ADAM12: variants seen among roughly 807,000 people sequenced by gnomAD.
ADAM12 encodes ADAM metallopeptidase domain 12.
Under a neutral mutation model 106.4 loss-of-function variants are expected in ADAM12, and 70 were observed. The ratio of observed to expected loss-of-function variants is 0.66; its 90% CI spans 0.54 to 0.80. The LOEUF (loss-of-function observed/expected upper bound fraction) is 0.80. Among genes scored for constraint, ADAM12 ranks in the 30% least tolerant of loss-of-function variants. The pLI, the probability that ADAM12 is intolerant of heterozygous loss-of-function variation, is 0.00. For synonymous variants in ADAM12, 420 were observed against 433.5 expected (o/e 0.97, Z 0.39); for missense variants, 1,010 against 1,171.9 (o/e 0.86, Z 2.02).
chr10:126,277,501 G>A (rs889381990), intron 3 of ADAM12, among the ~76,000 whole-genome samples: 3 of 151,998 alleles, frequency 2.0e-5, no homozygotes, highest in African/African-American at 4.8e-5. Context: ...ATCTTTCAGG[G>A]AATGCCTAGC....
At chr10:126,079,672 G>A (rs7095358) in intron 11 of ADAM12, among the ~76,000 whole-genome samples, 18,837 of 152,146 alleles carry the variant, frequency 0.12, 1,526 homozygotes, top group African/African-American at 0.21. Flanking sequence ...TTTGTGTCGT[G>A]ACAATAAAAA....
intron 2 of ADAM12, among the ~76,000 whole-genome samples, chr10:126,306,770 C>T (rs574451958): frequency 1.3e-5 from 2 of 152,186 alleles, no homozygotes; most frequent in African/African-American, 2.4e-5. Flanking sequence ...GTCTTTTTTC[C>T]TCTGAATGTT....
At chr10:126,189,562 G>A (rs1957459748) in intron 3 of ADAM12, among the ~76,000 whole-genome samples, 2 of 152,192 alleles carry the variant, frequency 1.3e-5, no homozygotes, top group African/African-American at 2.4e-5. Context: ...TGCCAGGCAT[G>A]TGCTAAACAT....
intron 3 of ADAM12, among the ~76,000 whole-genome samples, chr10:126,182,890 C>T (rs146190164): frequency 3.9e-3 from 591 of 152,368 alleles, no homozygotes; most frequent in Middle Eastern, 6.8e-3. Context: ...GGGTCCCAAA[C>T]CCCCGGGCCA....
At chr10:126,244,739 A>T (rs1465808317) in intron 3 of ADAM12, among the ~76,000 whole-genome samples, 1 of 152,246 alleles carries the variant, frequency 6.6e-6, no homozygotes, top group African/African-American at 2.4e-5. Flanking sequence ...AATAAAGTGT[A>T]CATGCTATGA....
intron 2 of ADAM12, among the ~76,000 whole-genome samples, chr10:126,319,736 A>G (rs1176284783): frequency 1.3e-5 from 2 of 152,210 alleles, no homozygotes; most frequent in Non-Finnish European, 2.9e-5. Flanking sequence ...GGGCTTGTTA[A>G]TTGTGACAAG....
rs150371893 is a variant in ADAM12 at position 126,030,028 on chromosome 10, C to A, written c.2529+6118G>T. The stretch of plus-strand genomic sequence containing the variant: ...CTTGGGCAAGATTATGCCTGTGTGA[C>A]GTAGCAAATGATTGAAAACAACCCA... On this transcript the variant is annotated intron_variant, in intron 21 of 22. Coordinates refer to ENST00000448723, the MANE Select transcript of ADAM12 (RefSeq NM_001288973.2). 5.5e-4 allele frequency among the ~76,000 whole-genome samples: 84 copies of A among 152,206 alleles called. No individual in the cohort carries two copies. The South Asian group carries it at 8.7e-3, about 16-fold the overall frequency.
At chr10:126,081,666 C>G (rs115522742) in intron 11 of ADAM12, among the ~76,000 whole-genome samples, 2,013 of 152,262 alleles carry the variant, frequency 0.013, 45 homozygotes, top group African/African-American at 0.046. Flanking sequence ...GTTTTCACAT[C>G]TATAAAATAG....
intron 3 of ADAM12, among the ~76,000 whole-genome samples, chr10:126,157,092 C>T (rs1956833381): frequency 6.6e-6 from 1 of 152,166 alleles, no homozygotes; most frequent in Non-Finnish European, 1.5e-5. Context: ...CTAAGCCCAT[C>T]ACAAATCTTC....
At chr10:126,363,614 G>A (rs1259421674) in intron 1 of ADAM12, among the ~76,000 whole-genome samples, 1 of 152,140 alleles carries the variant, frequency 6.6e-6, no homozygotes, top group Non-Finnish European at 1.5e-5. Flanking sequence ...AAATGGGCTT[G>A]TGTCTAAGGA....
chr10:126,282,677 T>C (rs999699499), intron 2 of ADAM12, among the ~76,000 whole-genome samples: 1 of 152,214 alleles, frequency 6.6e-6, no homozygotes, highest in African/African-American at 2.4e-5. Flanking sequence ...TATGTAGTAT[T>C]CTATTGCACA....
chr10:126,361,107 C>T (rs1468564586), intron 1 of ADAM12, among the ~76,000 whole-genome samples: 1 of 152,166 alleles, frequency 6.6e-6, no homozygotes, highest in Non-Finnish European at 1.5e-5. Flanking sequence ...TTACCTCCCA[C>T]CAGGTTCCTC....
intron 3 of ADAM12, among the ~76,000 whole-genome samples, chr10:126,183,082 T>C (rs1474391210): frequency 3.3e-5 from 5 of 152,186 alleles, no homozygotes; most frequent in Non-Finnish European, 5.9e-5. Context: ...GAACTGTGCA[T>C]GCGAGGGATC....
chr10:126,085,399 C>T (rs938511805), intron 11 of ADAM12, among the ~76,000 whole-genome samples: 1 of 152,216 alleles, frequency 6.6e-6, no homozygotes, highest in African/African-American at 2.4e-5. Context: ...TTTGCCATTA[C>T]ACAGATAAGG....
At chr10:126,157,023 GTGT>G (rs1956830490) in intron 3 of ADAM12, among the ~76,000 whole-genome samples, 4 of 104,908 alleles carry the variant, frequency 3.8e-5, no homozygotes, top group African/African-American at 1.2e-4. Flanking sequence ...GGTTTTGTGT[GTGT>G]GTGTGTGGGG....
intron 4 of ADAM12, among the ~76,000 whole-genome samples, chr10:126,148,962 C>T (rs1480927308): frequency 6.6e-6 from 1 of 152,182 alleles, no homozygotes; most frequent in African/African-American, 2.4e-5. Context: ...GTCTCACCCA[C>T]TACTGACCTC....
intron 3 of ADAM12, among the ~76,000 whole-genome samples, chr10:126,186,616 T>A (rs1422154187): frequency 6.6e-6 from 1 of 150,624 alleles, no homozygotes; most frequent in Non-Finnish European, 1.5e-5. Context: ...TTTGGCTGAG[T>A]GTGGGGGCAG....
At chr10:126,348,474 C>A (rs1486938817) in intron 1 of ADAM12, among the ~76,000 whole-genome samples, 24 of 152,120 alleles carry the variant, frequency 1.6e-4, no homozygotes, top group Admixed American at 1.6e-3. Flanking sequence ...ATGCCCTCAC[C>A]TCCGTGCTCT....
Position 126,017,331 on chromosome 10 carries a change from G to A in ADAM12, c.2669C>T (p.Pro890Leu). 10 of 1,585,842 alleles carry A rather than the reference G, an allele frequency of 6.3e-6. No individual in the cohort carries two copies. Among genetic ancestry groups the A allele is most frequent in the Non-Finnish European group, 8.6e-6 (10 of 1,164,752 alleles). The change falls in exon 23 of 23, where the codon CCA (proline) becomes CTA (leucine). Residue 890 changes from proline (P) to leucine (L), a missense_variant. This residue lies in a region of ADAM12 where 615 missense variants were observed against 708.5 expected (regional missense o/e 0.87). Coordinates refer to ENST00000448723, the MANE Select transcript of ADAM12 (RefSeq NM_001288973.2). The part of the protein sequence containing the change: ...GLRLAPLRPA[P>L]QYPHQVPRST... Reference sequence around the variant, plus strand: ...TCTGGGCACTTGGTGTGGATATTGTGGAGCAGGTCTGAATGAAGAGAGGAG... The same window carrying A: ...TCTGGGCACTTGGTGTGGATATTGTAGAGCAGGTCTGAATGAAGAGAGGAG...
Sources: gnomAD v4.1 joint callset for allele counts (sites outside exome capture counted in the v4.1 genomes callset) on GRCh38, gnomAD v4.1.1 for gene constraint, gnomAD v4.1.1 regional missense constraint, MANE v1.5 for transcripts, NCBI Gene and HGNC (gene_info 2026-07-23, HGNC 2026-07-21) for gene names.